STX8: variants seen among roughly 807,000 people sequenced by gnomAD.
STX8 encodes the protein syntaxin-8.
STX8 carries 23 observed loss-of-function variants against 37.5 expected under a neutral mutation model. The observed-to-expected ratio is 0.61, with a 90% CI of 0.44 to 0.87. The LOEUF (loss-of-function observed/expected upper bound fraction) is 0.87. Ranked by LOEUF, STX8 falls within the 40% of genes least tolerant of loss-of-function variation. The pLI is 0.00. For synonymous variants in STX8, 115 were observed against 99.1 expected (o/e 1.16, Z -0.95); for missense variants, 313 against 284.7 (o/e 1.10, Z -0.71).
intron 6 of STX8, among the ~76,000 whole-genome samples, chr17:9,441,486 TA>T (rs71135985): frequency 0.19 from 25,534 of 131,884 alleles, 2,649 homozygotes; most frequent in Middle Eastern, 0.27. Flanking sequence ...AGACTCCATC[TA>T]AAAAAAAAAA....
At chr17:9,498,919 C>G (rs1053423605) in intron 5 of STX8, among the ~76,000 whole-genome samples, 1 of 152,180 alleles carries the variant, frequency 6.6e-6, no homozygotes, top group Admixed American at 6.5e-5. Context: ...TACCCTTGTT[C>G]CTTCTATCTC....
intron 7 of STX8, among the ~76,000 whole-genome samples, chr17:9,251,106 C>T (rs528381643): frequency 6.6e-6 from 1 of 152,348 alleles, no homozygotes; most frequent in Non-Finnish European, 1.5e-5. Flanking sequence ...ATCCTTAAGT[C>T]ACCCATTTGT....
intron 6 of STX8, among the ~76,000 whole-genome samples, chr17:9,414,267 A>T (rs1341338732): frequency 6.6e-6 from 1 of 151,552 alleles, no homozygotes; most frequent in East Asian, 2.0e-4. Context: ...GCATCAGTCA[A>T]ATTGGAGGGA....
chr17:9,316,031 A>G (rs1909372611), intron 7 of STX8, among the ~76,000 whole-genome samples: 1 of 151,768 alleles, frequency 6.6e-6, no homozygotes, highest in Non-Finnish European at 1.5e-5. Flanking sequence ...AAAAAAAAAA[A>G]AAAGTAATAA....
chr17:9,315,409 C>T (rs1909350708), intron 7 of STX8, among the ~76,000 whole-genome samples: 2 of 152,162 alleles, frequency 1.3e-5, no homozygotes, highest in Admixed American at 1.3e-4. Flanking sequence ...GGCCAGTTTA[C>T]AGAGGCTGCA....
chr17:9,358,664 C>T (rs1216912129), intron 7 of STX8, among the ~76,000 whole-genome samples: 1 of 152,096 alleles, frequency 6.6e-6, no homozygotes, highest in Admixed American at 6.6e-5. Flanking sequence ...CAAAAGAAAC[C>T]GGAGGATGGC....
intron 6 of STX8, among the ~76,000 whole-genome samples, chr17:9,429,909 TTATATATAA>T (rs1913832878): frequency 1.6e-4 from 1 of 6,298 alleles, no homozygotes; most frequent in Non-Finnish European, 2.3e-4. Context: ...ATATTATATA[TTATATATAA>T]TATATATAAT....
chr17:9,516,218 T>A (rs1905151159), intron 4 of STX8, among the ~76,000 whole-genome samples: 1 of 148,076 alleles, frequency 6.8e-6, no homozygotes. Flanking sequence ...GTGCATGCTT[T>A]TAAAAAGCTG....
rs1483401647 is a variant in STX8 at position 9,506,676 on chromosome 17, T to C, written c.324-1514A>G. On this transcript the variant is annotated intron_variant, in intron 4 of 7. Coordinates refer to ENST00000306357, the MANE Select transcript of STX8 (RefSeq NM_004853.3). ...GATTCCCACCTGCCCCCACTGCCAC[T>C]GCAAACACCTACAGTCCTTATTACA... 3.9e-5 allele frequency among the ~76,000 whole-genome samples: 6 copies of C among 152,206 alleles called. No individual in the cohort carries two copies. In the South Asian group the frequency reaches 6.2e-4, roughly 16 times the overall value.
At position 9,250,821 on chromosome 17, in the gene STX8, C is replaced by A. The variant is rs2142113754; in HGVS notation, c.644-176G>T. Among the ~76,000 whole-genome samples, 3 of 152,190 alleles carry A rather than the reference C, an allele frequency of 2.0e-5. 1 individual carries two copies. ...CGCCGCTGCTGCTACACAGCTCTGGCTTTGCAGGATGCTGAGTGCAGAAGG... is the reference window on the plus strand; with the variant it reads ...CGCCGCTGCTGCTACACAGCTCTGGATTTGCAGGATGCTGAGTGCAGAAGG... On this transcript the variant is annotated intron_variant, in intron 7 of 7. Coordinates refer to ENST00000306357, the MANE Select transcript of STX8 (RefSeq NM_004853.3).
At chr17:9,396,365 T>C (rs1912400522) in intron 6 of STX8, among the ~76,000 whole-genome samples, 1 of 121,426 alleles carries the variant, frequency 8.2e-6, no homozygotes, top group African/African-American at 3.1e-5. Context: ...GCATAGGAAT[T>C]TGGGGGGGCG....
At chr17:9,372,980 T>G (rs1358083348) in intron 7 of STX8, among the ~76,000 whole-genome samples, 1 of 151,030 alleles carries the variant, frequency 6.6e-6, no homozygotes, top group Non-Finnish European at 1.5e-5. Flanking sequence ...GGTGCATGCC[T>G]GTAATCCCAG....
chr17:9,534,701 T>C (rs971730678), intron 4 of STX8, among the ~76,000 whole-genome samples: 3 of 151,770 alleles, frequency 2.0e-5, no homozygotes, highest in Non-Finnish European at 1.5e-5. Context: ...GGCAGGAAAA[T>C]TGCTTGAACC....
intron 7 of STX8, among the ~76,000 whole-genome samples, chr17:9,360,562 T>C (rs1911029624): frequency 6.6e-6 from 1 of 151,760 alleles, no homozygotes; most frequent in Non-Finnish European, 1.5e-5. Context: ...AAAGAACCCT[T>C]TTCTGTTTTC....
At chr17:9,322,814 TAAAAAAAAAA>T (rs59941529) in intron 7 of STX8, among the ~76,000 whole-genome samples, 2 of 64,674 alleles carry the variant, frequency 3.1e-5, no homozygotes, top group Non-Finnish European at 5.5e-5. Context: ...GTGCATTTGC[TAAAAAAAAAA>T]AAAAAAAAAA....
chr17:9,419,988 C>T (rs557022935), intron 6 of STX8, among the ~76,000 whole-genome samples: 59 of 152,270 alleles, frequency 3.9e-4, no homozygotes, highest in Non-Finnish European at 6.6e-4. Flanking sequence ...TGTGCAGTGG[C>T]GTTAAACTAT....
intron 6 of STX8, among the ~76,000 whole-genome samples, chr17:9,423,954 A>T (rs1215244178): frequency 6.6e-6 from 1 of 152,208 alleles, no homozygotes; most frequent in Non-Finnish European, 1.5e-5. Context: ...AGAGTTCAGT[A>T]TGGCAGTGAC....
chr17:9,446,456 A>G (rs1904856359), intron 6 of STX8, among the ~76,000 whole-genome samples: 1 of 152,230 alleles, frequency 6.6e-6, no homozygotes, highest in Non-Finnish European at 1.5e-5. Context: ...AGTTGAAACT[A>G]TTAGTGTGAA....
chr17:9,571,808 G>A (rs1304633249), intron 1 of STX8, among the ~76,000 whole-genome samples: 1 of 151,468 alleles, frequency 6.6e-6, no homozygotes, highest in African/African-American at 2.4e-5. Flanking sequence ...CCAGCTACTC[G>A]GGAGGCTGAG....
Sources: gnomAD v4.1 joint callset for allele counts (sites outside exome capture counted in the v4.1 genomes callset) on GRCh38, gnomAD v4.1.1 for gene constraint, MANE v1.5 for transcripts, NCBI Gene and HGNC (gene_info 2026-07-23, HGNC 2026-07-21) for gene names.